PAPPA: variants seen among roughly 807,000 people sequenced by gnomAD.
PAPPA encodes the protein pappalysin 1.
A neutral mutation model predicts 164.0 loss-of-function variants in PAPPA; 60 were observed. That is an observed-to-expected ratio of 0.37 (90% CI 0.30 to 0.45). The LOEUF (loss-of-function observed/expected upper bound fraction) is 0.45. Ranked by LOEUF, PAPPA falls within the 20% of genes least tolerant of loss-of-function variation. The probability of loss-of-function intolerance (pLI) is 1.00; values close to 1 mark genes in which losing one functional copy is unlikely to be tolerated. For missense variants in PAPPA, 1,782 were observed against 2,087.3 expected (o/e 0.85, Z 2.85); for synonymous variants, 875 against 814.1 (o/e 1.07, Z -1.27).
At chr9:116,368,104 T>C (rs891399126) in intron 19 of PAPPA, among the ~76,000 whole-genome samples, 1 of 152,178 alleles carries the variant, frequency 6.6e-6, no homozygotes, top group East Asian at 1.9e-4. Flanking sequence ...CCTGAGTCTG[T>C]CTGGCTGGAA....
At chr9:116,281,582 C>CT (rs1845267788) in intron 9 of PAPPA, among the ~76,000 whole-genome samples, 1 of 152,124 alleles carries the variant, frequency 6.6e-6, no homozygotes, top group African/African-American at 2.4e-5. Flanking sequence ...CCAGGATCCT[C>CT]CCCTGACCAG....
chr9:116,308,545 G>A (rs1163319222), intron 10 of PAPPA, among the ~76,000 whole-genome samples: 1 of 152,124 alleles, frequency 6.6e-6, no homozygotes, highest in African/African-American at 2.4e-5. Context: ...CTCTATAAGG[G>A]GCAGAACCAA....
intron 5 of PAPPA, among the ~76,000 whole-genome samples, chr9:116,220,806 G>C (rs763291784): frequency 6.6e-6 from 1 of 151,622 alleles, no homozygotes. Flanking sequence ...GAATGCTTGA[G>C]CCCAGGAGGC....
At chr9:116,325,577 C>A (rs1845910588) in intron 10 of PAPPA, among the ~76,000 whole-genome samples, 1 of 152,140 alleles carries the variant, frequency 6.6e-6, no homozygotes, top group Non-Finnish European at 1.5e-5. Context: ...CCCCCCGCCC[C>A]CAAGGCCAAG....
At chr9:116,160,778 T>G (rs1366948827) in intron 1 of PAPPA, among the ~76,000 whole-genome samples, 2 of 152,188 alleles carry the variant, frequency 1.3e-5, no homozygotes, top group Non-Finnish European at 2.9e-5. Context: ...GCTTCTTGCC[T>G]TGGTGCAGTT....
intron 9 of PAPPA, among the ~76,000 whole-genome samples, chr9:116,275,224 C>T (rs1425872244): frequency 1.3e-5 from 2 of 152,174 alleles, no homozygotes; most frequent in African/African-American, 4.8e-5. Context: ...AAATTATTGC[C>T]ATAAGATAAT....
chr9:116,367,638 C>T lies in PAPPA; in HGVS notation c.4496-7C>T. Reference sequence around the variant, plus strand: ...CTGAGCTGCGCCTCATGCTGTACTTCCCTCAGGGTCGGAGTGTGCCACCTC... The same window carrying T: ...CTGAGCTGCGCCTCATGCTGTACTTTCCTCAGGGTCGGAGTGTGCCACCTC... On this transcript the variant is annotated splice_region_variant and splice_polypyrimidine_tract_variant and intron_variant, in intron 18 of 21. Coordinates refer to ENST00000328252, the MANE Select transcript of PAPPA (RefSeq NM_002581.5). 1 of 1,608,088 alleles carries T rather than the reference C, an allele frequency of 6.2e-7. No homozygotes were observed. The highest frequency in any genetic ancestry group is 8.5e-7 in the Non-Finnish European group (1 of 1,175,026).
At chr9:116,359,387 G>C (rs374090810) in intron 17 of PAPPA, among the ~76,000 whole-genome samples, 1 of 152,200 alleles carries the variant, frequency 6.6e-6, no homozygotes, top group African/African-American at 2.4e-5. Flanking sequence ...CAGATGCACA[G>C]GCACAGAGAG....
Position 116,227,446 on chromosome 9 carries a change from A to C in PAPPA, c.2127A>C (p.Ala709=). 6.2e-7 allele frequency: 1 copy of C among 1,614,040 alleles called. No homozygotes were observed. Among genetic ancestry groups the C allele is most frequent in the South Asian group, 1.1e-5 (1 of 91,076 alleles). The change falls in exon 6 of 22, where the codon GCA becomes GCC. Residue 709 remains alanine, a synonymous_variant. Coordinates refer to ENST00000328252, the MANE Select transcript of PAPPA (RefSeq NM_002581.5). Reference sequence around the variant, plus strand: ...GGCCTCCTAGAGAATTGGGATCAGCATGTCATCTTTGCCTGGAAGGGAGAA... The same window carrying C: ...GGCCTCCTAGAGAATTGGGATCAGCCTGTCATCTTTGCCTGGAAGGGAGAA... ...GHFFERELGS[A]CHLCLEGRIL...
chr9:116,362,255 T>TAA (rs1846437182), intron 17 of PAPPA, among the ~76,000 whole-genome samples: 3 of 143,236 alleles, frequency 2.1e-5, no homozygotes, highest in African/African-American at 5.0e-5. Context: ...CCCTCTCAAT[T>TAA]TAAAAAAAAA....
intron 6 of PAPPA, among the ~76,000 whole-genome samples, chr9:116,228,477 T>C (rs1255259185): frequency 1.3e-5 from 2 of 152,172 alleles, no homozygotes; most frequent in East Asian, 3.9e-4. Context: ...CTATCCTCTA[T>C]ATTTTTAGAA....
At chr9:116,235,054 A>G in intron 6 of PAPPA, 85 bp from the exon 7 acceptor site, 2 of 1,524,228 alleles carry the variant, frequency 1.3e-6, no homozygotes, top group Admixed American at 1.7e-5. Flanking sequence ...AGTCAGACCA[A>G]TTTCTCCTGG....
chr9:116,341,956 C>T (rs1040858317), intron 13 of PAPPA, among the ~76,000 whole-genome samples: 1 of 152,234 alleles, frequency 6.6e-6, no homozygotes, highest in Admixed American at 6.5e-5. Flanking sequence ...GCTCCTTCTA[C>T]CCCAGAAAAC....
intron 1 of PAPPA, among the ~76,000 whole-genome samples, chr9:116,184,195 C>T (rs2118620243): frequency 6.6e-6 from 1 of 152,290 alleles, no homozygotes; most frequent in East Asian, 1.9e-4. Flanking sequence ...CCTCTGCTCT[C>T]AACTGGTTCC....
In PAPPA at chr9:116,154,155, C is replaced by CGGGGGGGGGG; in HGVS notation, c.-12_-11insGGGGGGGGGG. 2.2e-6 allele frequency: 1 copy of CGGGGGGGGGG among 464,980 alleles called. No homozygotes were observed. Among genetic ancestry groups the CGGGGGGGGGG allele is most frequent in the Non-Finnish European group, 2.9e-6 (1 of 345,710 alleles). 28.8% of individuals were successfully genotyped at this position (464,980 alleles called of 1,614,324 possible). A position where few individuals can be genotyped will look rare whatever the true frequency, so the allele number is the denominator to read the frequency against. ...TGGCGGTGCAGGGGCGAAGGGGGGG[C>CGGGGGGGGGG]GGGGGGAACCGTCGGACATGCGGCT... On this transcript the variant is annotated 5_prime_UTR_variant, in exon 1 of 22. Coordinates refer to ENST00000328252, the MANE Select transcript of PAPPA (RefSeq NM_002581.5). The surrounding 1 kb of genome is among the most constrained non-coding windows in gnomAD (Gnocchi z 5.2).
intron 7 of PAPPA, among the ~76,000 whole-genome samples, chr9:116,253,484 G>C (rs1289969490): frequency 6.6e-6 from 1 of 152,134 alleles, no homozygotes; most frequent in Non-Finnish European, 1.5e-5. Flanking sequence ...TTGGTCCACA[G>C]TCAGTATGTT....
At chr9:116,343,424 C>T (rs1430796717) in intron 13 of PAPPA, among the ~76,000 whole-genome samples, 3 of 152,208 alleles carry the variant, frequency 2.0e-5, no homozygotes, top group East Asian at 1.9e-4. Flanking sequence ...GGGTGCTTGC[C>T]GAGGGACACA....
chr9:116,390,400 G>C (rs887971949), intron 21 of PAPPA, among the ~76,000 whole-genome samples: 1 of 152,116 alleles, frequency 6.6e-6, no homozygotes, highest in Non-Finnish European at 1.5e-5. Flanking sequence ...AGTATGCCCA[G>C]AGCATGGTGC....
rs1175464435 is a variant in PAPPA, at chr9:116,397,719, T to C, written c.*1103T>C. On this transcript the variant is annotated 3_prime_UTR_variant, in exon 22 of 22. Coordinates refer to ENST00000328252, the MANE Select transcript of PAPPA (RefSeq NM_002581.5). ...ACCCTCACTGAAAGTCCAGAATGTC[T>C]AAGCCAGTGTTAGATTTTGTAAACA... 1 of 152,668 alleles carries C rather than the reference T, an allele frequency of 6.6e-6. No individual in the cohort carries two copies. Among genetic ancestry groups the C allele is most frequent in the Non-Finnish European group, 1.5e-5 (1 of 68,054 alleles). 9.5% of individuals were successfully genotyped at this position (152,668 alleles called of 1,614,324 possible). A position where few individuals can be genotyped will look rare whatever the true frequency, so the allele number is the denominator to read the frequency against.
Sources: allele counts gnomAD v4.1 joint callset (sites outside exome capture counted in the v4.1 genomes callset), GRCh38; gene constraint gnomAD v4.1.1; non-coding constraint Gnocchi (gnomAD v3.1); transcripts MANE v1.5; gene names NCBI Gene and HGNC (gene_info 2026-07-23, HGNC 2026-07-21).